The following AK5 variants were observed in gnomAD, a reference collection of about 807,000 sequenced individuals.
The protein encoded by AK5 is adenylate kinase 5, also known as adenylate kinase isoenzyme 5.
In AK5, 27 loss-of-function variants were observed where a neutral mutation model predicts 69.5. That is an observed-to-expected ratio of 0.39 (90% CI 0.29 to 0.54). AK5 has a LOEUF of 0.54. Among genes scored for constraint, AK5 ranks in the 20% least tolerant of loss-of-function variants. The pLI is 0.71. For missense variants in AK5, 531 were observed against 700.4 expected, an observed-to-expected ratio of 0.76 and a Z score of 2.73; for synonymous variants, 260 against 244.4, an observed-to-expected ratio of 1.06 and a Z score of -0.60.
At chr1:77,466,132 C>A (rs1305309993) in intron 8 of AK5, among the ~76,000 whole-genome samples, 1 of 152,196 alleles carries the variant, frequency 6.6e-6, no homozygotes, top group Non-Finnish European at 1.5e-5. Context: ...CTCTGAGCCC[C>A]AGCCTCACTG....
chr1:77,554,238 A>G (rs542861250), intron 13 of AK5, among the ~76,000 whole-genome samples: 1 of 152,026 alleles, frequency 6.6e-6, no homozygotes, highest in Admixed American at 6.5e-5. Flanking sequence ...ATGTGCTTTC[A>G]GATCTCTACA....
At chr1:77,345,296 A>C (rs546210601) in intron 6 of AK5, among the ~76,000 whole-genome samples, 1 of 152,234 alleles carries the variant, frequency 6.6e-6, no homozygotes, top group Non-Finnish European at 1.5e-5. Flanking sequence ...CTACTAATTC[A>C]TACGCAGGTT....
intron 5 of AK5, among the ~76,000 whole-genome samples, chr1:77,338,806 G>T (rs1292485454): frequency 6.6e-6 from 1 of 152,130 alleles, no homozygotes; most frequent in East Asian, 1.9e-4. Context: ...AAAATGTATT[G>T]AGCACCTGCC....
chr1:77,510,701 A>T (rs1644964854), intron 10 of AK5, among the ~76,000 whole-genome samples: 1 of 152,046 alleles, frequency 6.6e-6, no homozygotes, highest in African/African-American at 2.4e-5. Context: ...TGGAACAGGC[A>T]GGAGAGGATC....
intron 13 of AK5, among the ~76,000 whole-genome samples, chr1:77,542,852 T>A (rs991844266): frequency 3.3e-5 from 5 of 152,154 alleles, no homozygotes; most frequent in African/African-American, 1.2e-4. Flanking sequence ...AGGCCATAGA[T>A]GAAGAGGGCC....
At chr1:77,300,266 A>G (rs532481476) in intron 5 of AK5, among the ~76,000 whole-genome samples, 11 of 152,306 alleles carry the variant, frequency 7.2e-5, no homozygotes, top group African/African-American at 2.4e-4. Flanking sequence ...AGCAAATTCT[A>G]TAGGATGGTC....
chr1:77,282,662 C>G (rs1160905256), intron 1 of AK5: 1 of 1,174,662 alleles, frequency 8.5e-7, no homozygotes, highest in Admixed American at 4.8e-5. Flanking sequence ...ATGTGGACAC[C>G]CAGGGTGGGC....
chr1:77,308,306 C>G (rs1303733169), intron 5 of AK5, among the ~76,000 whole-genome samples: 1 of 151,982 alleles, frequency 6.6e-6, no homozygotes, highest in East Asian at 1.9e-4. Context: ...TAAGACTGTA[C>G]TTATCTGCCA....
At position 77,499,869 on chromosome 1, in the gene AK5, C is replaced by CTTTTTTTTTTTTTTTTTTTTTTTTTTTTT. The variant is rs749712310; in HGVS notation, c.1147+13517_1147+13518insTTTTTTTTTTTTTTTTTTTTTTTTTTTTT. Among the ~76,000 whole-genome samples the CTTTTTTTTTTTTTTTTTTTTTTTTTTTTT allele has an allele frequency of 5.1e-5, 4 of 78,768 alleles. 2 individuals are homozygous for CTTTTTTTTTTTTTTTTTTTTTTTTTTTTT. The highest frequency in any genetic ancestry group is 9.5e-5 in the Non-Finnish European group (4 of 42,048). 51.7% of individuals were successfully genotyped at this position (78,768 alleles called of 152,430 possible). On this transcript the variant is annotated intron_variant, in intron 10 of 13. Transcript: ENST00000354567. ...GATGACAGAGACCATGCCCTTTTTC[C>CTTTTTTTTTTTTTTTTTTTTTTTTTTTTT]ATTTTTTTTTTTTTTTTTTTTTTTT...
chr1:77,385,959 A>G (rs1483246552), intron 6 of AK5, among the ~76,000 whole-genome samples: 2 of 152,242 alleles, frequency 1.3e-5, no homozygotes, highest in African/African-American at 4.8e-5. Context: ...TAAAATAAAA[A>G]TAAGTTTGCC....
chr1:77,555,405 C>T (rs1030302081), intron 13 of AK5, among the ~76,000 whole-genome samples: 1 of 152,202 alleles, frequency 6.6e-6, no homozygotes, highest in Admixed American at 6.5e-5. Context: ...TTGCTACTCC[C>T]CCTCATATCT....
At chr1:77,461,931 G>C (rs1039394832) in intron 8 of AK5, among the ~76,000 whole-genome samples, 1 of 152,148 alleles carries the variant, frequency 6.6e-6, no homozygotes, top group Admixed American at 6.5e-5. Flanking sequence ...GCTAGGTTTA[G>C]CCATTTCACA....
chr1:77,415,529 A>T (rs1361150376), intron 7 of AK5, among the ~76,000 whole-genome samples: 1 of 152,172 alleles, frequency 6.6e-6, no homozygotes, highest in Non-Finnish European at 1.5e-5. Flanking sequence ...GCCAGATAAA[A>T]TTTGTGTTAT....
chr1:77,486,136 A>G (rs1383973908), intron 9 of AK5, among the ~76,000 whole-genome samples, 172 bp from the exon 10 acceptor site: 1 of 151,984 alleles, frequency 6.6e-6, no homozygotes, highest in African/African-American at 2.4e-5. Flanking sequence ...ACAAACAAAA[A>G]CACTGAAATG....
At chr1:77,366,399 C>T (rs889692041) in intron 6 of AK5, among the ~76,000 whole-genome samples, 30 of 152,130 alleles carry the variant, frequency 2.0e-4, no homozygotes, top group African/African-American at 7.2e-4. Context: ...ATCATTATCT[C>T]CCATATGTTT....
chr1:77,514,065 G>A (rs1302332823), intron 10 of AK5, among the ~76,000 whole-genome samples: 2 of 152,070 alleles, frequency 1.3e-5, no homozygotes, highest in Non-Finnish European at 2.9e-5. Context: ...ATGCAAATTG[G>A]GCGTTCACAG....
intron 8 of AK5, among the ~76,000 whole-genome samples, chr1:77,478,799 A>G (rs142546592): frequency 6.6e-6 from 1 of 152,332 alleles, no homozygotes; most frequent in East Asian, 1.9e-4. Flanking sequence ...AGGAAATGGA[A>G]ATGACTAGAC....
chr1:77,500,173 C>G (rs1656627580), intron 10 of AK5, among the ~76,000 whole-genome samples: 3 of 152,064 alleles, frequency 2.0e-5, no homozygotes, highest in African/African-American at 7.2e-5. Context: ...CTAACCATAA[C>G]TAAGAAACTC....
At chr1:77,495,113 C>G (rs1421434907) in intron 10 of AK5, among the ~76,000 whole-genome samples, 1 of 152,102 alleles carries the variant, frequency 6.6e-6, no homozygotes, top group African/African-American at 2.4e-5. Flanking sequence ...AATCCTCACA[C>G]CAGTCATCAG....
Sources: allele counts gnomAD v4.1 joint callset (sites outside exome capture counted in the v4.1 genomes callset), GRCh38; gene constraint gnomAD v4.1.1; transcripts MANE v1.5; gene names NCBI Gene and HGNC (gene_info 2026-07-23, HGNC 2026-07-21).